ELOC: variants seen among roughly 807,000 people sequenced by gnomAD.
The protein encoded by ELOC is elongin-C.
For missense variants in ELOC, 38 were observed against 139.0 expected, an observed-to-expected ratio of 0.27 and a Z score of 3.65; for synonymous variants, 40 against 51.3, an observed-to-expected ratio of 0.78 and a Z score of 0.94.
chr8:73,964,311 G>A (rs988591556), intron 1 of ELOC, among the ~76,000 whole-genome samples: 1 of 148,694 alleles, frequency 6.7e-6, no homozygotes, highest in African/African-American at 2.5e-5. Flanking sequence ...GTGAGTCAAA[G>A]GTCAAAGCGT....
chr8:73,967,125 T>C (rs554907808), intron 1 of ELOC, among the ~76,000 whole-genome samples: 4 of 152,288 alleles, frequency 2.6e-5, no homozygotes, highest in South Asian at 4.1e-4. Context: ...CATTATTCTA[T>C]TTTTGAACCA....
At chr8:73,959,891 C>A in intron 1 of ELOC, 73 bp from the exon 2 acceptor site, 2 of 764,608 alleles carry the variant, frequency 2.6e-6, no homozygotes, top group South Asian at 2.8e-5. Flanking sequence ...TATTTAATGT[C>A]CTTGGTGTTA....
intron 3 of ELOC, among the ~76,000 whole-genome samples, chr8:73,949,278 G>T (rs766343636): frequency 2.4e-4 from 37 of 152,128 alleles, no homozygotes; most frequent in Non-Finnish European, 4.7e-4. Context: ...ACAACAATGA[G>T]GTAAATTTTG....
chr8:73,971,046 A>AAAAAAAAAAAAAAAG (rs1009857839), intron 1 of ELOC, among the ~76,000 whole-genome samples: 11 of 149,752 alleles, frequency 7.3e-5, no homozygotes, highest in African/African-American at 2.5e-4. Flanking sequence ...AAAAAAAAAA[A>AAAAAAAAAAAAAAAG]AAAAAGAAAA....
chr8:73,971,032 C>CAAAAAAAAAAAAA (rs67188912), intron 1 of ELOC, among the ~76,000 whole-genome samples: 23 of 62,014 alleles, frequency 3.7e-4, no homozygotes, highest in South Asian at 6.5e-4. Context: ...GACTCCGTCT[C>CAAAAAAAAAAAAA]AAAAAAAAAA....
intron 3 of ELOC, among the ~76,000 whole-genome samples, chr8:73,947,727 A>C (rs1294657201): frequency 6.6e-6 from 1 of 151,818 alleles, no homozygotes; most frequent in Non-Finnish European, 1.5e-5. Context: ...GGTGAGCGCC[A>C]CCATGTCTGG....
chr8:73,965,139 G>T (rs965251840), intron 1 of ELOC, among the ~76,000 whole-genome samples: 4 of 150,796 alleles, frequency 2.7e-5, no homozygotes, highest in Non-Finnish European at 5.9e-5. Context: ...TCTGACAATG[G>T]ATTTGCATCT....
At chr8:73,964,806 T>C (rs1814856767) in intron 1 of ELOC, among the ~76,000 whole-genome samples, 1 of 152,112 alleles carries the variant, frequency 6.6e-6, no homozygotes, top group Non-Finnish European at 1.5e-5. Flanking sequence ...AGCTGACTGT[T>C]TGAACCCAGG....
intron 3 of ELOC, among the ~76,000 whole-genome samples, chr8:73,951,768 T>C (rs977061204): frequency 5.3e-5 from 8 of 152,228 alleles, no homozygotes; most frequent in Non-Finnish European, 8.8e-5. Context: ...GGAGGCCTCA[T>C]ACTTTCTGAT....
At chr8:73,970,956 C>T (rs1217290546) in intron 1 of ELOC, among the ~76,000 whole-genome samples, 43 of 141,666 alleles carry the variant, frequency 3.0e-4, no homozygotes, top group African/African-American at 1.1e-3. Flanking sequence ...ATGGCTTGAA[C>T]CCTGGATGCG....
At chr8:73,954,377 C>T (rs1034895496) in intron 3 of ELOC, among the ~76,000 whole-genome samples, 4 of 152,070 alleles carry the variant, frequency 2.6e-5, no homozygotes, top group Admixed American at 1.3e-4. Context: ...TAGAGATTTG[C>T]GCTGGGTGTG....
intron 1 of ELOC, among the ~76,000 whole-genome samples, chr8:73,960,989 TCTTTA>T (rs1373563111): frequency 6.6e-5 from 10 of 152,310 alleles, no homozygotes; most frequent in African/African-American, 2.4e-4. Context: ...GAAGTCTTGC[TCTTTA>T]CTTAGATAAG....
chr8:73,950,193 G>A (rs562430329), intron 3 of ELOC, among the ~76,000 whole-genome samples: 4 of 152,252 alleles, frequency 2.6e-5, no homozygotes, highest in East Asian at 1.9e-4. Flanking sequence ...CAAGACTAAC[G>A]GAGCCATGTC....
chr8:73,955,774 A>G (rs1025245334), intron 3 of ELOC, 137 bp downstream of exon 3: 1 of 1,078,384 alleles, frequency 9.3e-7, no homozygotes, highest in South Asian at 1.5e-5. Flanking sequence ...CTCTCAAACA[A>G]AAGAACAAAA....
intron 3 of ELOC, among the ~76,000 whole-genome samples, chr8:73,954,574 C>A (rs1563675629): frequency 1.3e-5 from 2 of 151,090 alleles, no homozygotes; most frequent in Admixed American, 6.6e-5. Context: ...ATCACTTGAA[C>A]CCGGGAGGCG....
intron 1 of ELOC, among the ~76,000 whole-genome samples, chr8:73,964,024 C>T (rs1317225421): frequency 2.3e-5 from 3 of 129,664 alleles, no homozygotes; most frequent in African/African-American, 8.8e-5. Context: ...ACCCAGGAGG[C>T]GGAGGTTGCA....
intron 2 of ELOC, among the ~76,000 whole-genome samples, chr8:73,958,012 G>A (rs1814320140): frequency 2.6e-5 from 4 of 151,918 alleles, no homozygotes; most frequent in Admixed American, 2.0e-4. Flanking sequence ...CTGACCTCAA[G>A]TGATCCACCT....
At chr8:73,961,817 C>T (rs115004972) in intron 1 of ELOC, among the ~76,000 whole-genome samples, 327 of 152,202 alleles carry the variant, frequency 2.1e-3, no homozygotes, top group African/African-American at 7.4e-3. Context: ...AAATAGGCAG[C>T]ACTAACAATT....
At chr8:73,968,194 G>A (rs1053709906) in intron 1 of ELOC, among the ~76,000 whole-genome samples, 1 of 152,158 alleles carries the variant, frequency 6.6e-6, no homozygotes, top group Non-Finnish European at 1.5e-5. Flanking sequence ...TTAAGTGATA[G>A]GACTTCTGTT....
Sources: gnomAD v4.1 joint callset for allele counts (sites outside exome capture counted in the v4.1 genomes callset) on GRCh38, gnomAD v4.1.1 for gene constraint, MANE v1.5 for transcripts, NCBI Gene and HGNC (gene_info 2026-07-23, HGNC 2026-07-21) for gene names.